The following VPS13D variants were observed in gnomAD, a reference collection of about 807,000 sequenced individuals.
VPS13D encodes the protein vacuolar protein sorting 13 homolog D, also known as intermembrane lipid transfer protein VPS13D.
A neutral mutation model predicts 461.9 loss-of-function variants in VPS13D; 187 were observed. The observed-to-expected ratio is 0.40, with a 90% CI of 0.36 to 0.46. The LOEUF is 0.46. Among genes scored for constraint, VPS13D ranks in the 20% least tolerant of loss-of-function variants. VPS13D has a pLI of 0.60. For missense variants in VPS13D, 4,711 were observed against 5,364.9 expected, an observed-to-expected ratio of 0.88 and a Z score of 3.81; for synonymous variants, 1,951 against 1,986.3, an observed-to-expected ratio of 0.98 and a Z score of 0.47.
chr1:12,328,220 C>T (rs554096027), intron 36 of VPS13D, among the ~76,000 whole-genome samples: 19 of 152,112 alleles, frequency 1.2e-4, no homozygotes, highest in Non-Finnish European at 2.4e-4. Flanking sequence ...GTTGTATTAT[C>T]TCTTGAAAAT....
At chr1:12,500,178 A>G (rs1646017378) in intron 68 of VPS13D, 1 of 984,474 alleles carries the variant, frequency 1.0e-6, no homozygotes, top group East Asian at 1.1e-4. Context: ...TAATTTTGTC[A>G]TTCTATTTAA....
chr1:12,499,424 A>G lies in VPS13D; in HGVS notation c.12794+1793A>G, dbSNP rs1028056978. 4.1e-6 allele frequency: 4 copies of G among 981,516 alleles called. No individual in the cohort carries two copies. In the African/African-American group the frequency reaches 5.3e-5, roughly 13 times the overall value. 60.8% of individuals were successfully genotyped at this position (981,516 alleles called of 1,614,324 possible). ...TGTTTTCTTTTCACTTTCCTCCCCA[A>G]CTCACCTCTATTCAAGTCGAACTAT... On this transcript the variant is annotated intron_variant, in intron 68 of 69. Coordinates refer to ENST00000620676, the MANE Select transcript of VPS13D (RefSeq NM_015378.4).
At chr1:12,350,740 C>G (rs1240442388) in intron 46 of VPS13D, among the ~76,000 whole-genome samples, 2 of 151,972 alleles carry the variant, frequency 1.3e-5, no homozygotes, top group Non-Finnish European at 2.9e-5. Context: ...AATCAGTGAA[C>G]TAGAAAATAG....
At chr1:12,433,486 C>T (rs560170826) in intron 65 of VPS13D, among the ~76,000 whole-genome samples, 1 of 152,074 alleles carries the variant, frequency 6.6e-6, no homozygotes, top group Non-Finnish European at 1.5e-5. Flanking sequence ...TTTGCTTTTT[C>T]GGAAAGTTAT....
chr1:12,473,291 C>T lies in VPS13D; in HGVS notation c.12662+12895C>T, dbSNP rs931360724. Among the ~76,000 whole-genome samples the T allele has an allele frequency of 2.0e-5, 3 of 151,978 alleles. No individual in the cohort carries two copies. The highest frequency in any genetic ancestry group is 2.9e-5 in the Non-Finnish European group (2 of 67,988). On this transcript the variant is annotated intron_variant, in intron 67 of 69. Coordinates refer to ENST00000620676, the MANE Select transcript of VPS13D (RefSeq NM_015378.4). The surrounding 1 kb of genome is among the most constrained non-coding windows in gnomAD (Gnocchi z 4.2). ...AAAAGATGTGGAAAGGACGTAAAAT[C>T]ACAGGTTCTTCCCCAGTTCTGAAAA... is the stretch of plus-strand genomic sequence containing the variant.
intron 67 of VPS13D, among the ~76,000 whole-genome samples, chr1:12,466,918 C>G (rs1002898878): frequency 1.9e-4 from 29 of 152,354 alleles, no homozygotes; most frequent in African/African-American, 6.7e-4. Flanking sequence ...AAACATGGCA[C>G]AGTAGATATA....
chr1:12,322,889 C>CTT (rs1286104928), intron 34 of VPS13D, 143 bp downstream of exon 34: 5 of 707,598 alleles, frequency 7.1e-6, no homozygotes, highest in African/African-American at 1.8e-5. Context: ...AAGTATGACT[C>CTT]TCTCATTTTT....
chr1:12,333,009 G>A (rs1379344974), intron 37 of VPS13D, among the ~76,000 whole-genome samples: 1 of 152,086 alleles, frequency 6.6e-6, no homozygotes, highest in African/African-American at 2.4e-5. Context: ...CCATCGTGGG[G>A]GTACATATAT....
chr1:12,339,782 C>T (rs980884233), intron 40 of VPS13D, among the ~76,000 whole-genome samples: 5 of 152,182 alleles, frequency 3.3e-5, no homozygotes, highest in African/African-American at 1.2e-4. Context: ...CTCATCAATG[C>T]AAGAAGCTTG....
chr1:12,385,649 A>G lies in VPS13D; in HGVS notation c.11484+276A>G, dbSNP rs889556955. 2.6e-5 allele frequency among the ~76,000 whole-genome samples: 4 copies of G among 152,198 alleles called. No homozygotes were observed. In the South Asian group the frequency reaches 6.2e-4, roughly 24 times the overall value. On this transcript the variant is annotated intron_variant, in intron 59 of 69. Transcript: ENST00000620676. ...ATTTCAGTAAGATTTAAGACAAACA[A>G]TTTTTTGTTTTTTGCTTCAGCCATC...
At chr1:12,485,947 G>A (rs1645791764) in intron 67 of VPS13D, among the ~76,000 whole-genome samples, 1 of 152,294 alleles carries the variant, frequency 6.6e-6, no homozygotes, top group South Asian at 2.1e-4. Context: ...CTCGTGTCCT[G>A]CCTCCTTCCT....
At position 12,501,515 on chromosome 1, in the gene VPS13D, A is replaced by C. The variant is rs79898524; in HGVS notation, c.12794+3884A>C. 6.3e-3 allele frequency among the ~76,000 whole-genome samples: 963 copies of C among 152,350 alleles called. 14 individuals are homozygous for C. The highest frequency in any genetic ancestry group is 0.021 in the African/African-American group (884 of 41,574). ...TAAAAGCTAAATCAGGAGTTCTAAG[A>C]GAAGTTTTCAACTTTCCTACTGGTA... On this transcript the variant is annotated intron_variant, in intron 68 of 69. Coordinates refer to ENST00000620676, the MANE Select transcript of VPS13D (RefSeq NM_015378.4).
chr1:12,487,319 A>G (rs1465069123), intron 67 of VPS13D, among the ~76,000 whole-genome samples: 3 of 152,106 alleles, frequency 2.0e-5, no homozygotes, highest in Admixed American at 2.0e-4. Flanking sequence ...TGAAAAAGCA[A>G]ACAAATCGGG....
intron 14 of VPS13D, 60 bp from the exon 15 acceptor site, chr1:12,267,785 T>G: frequency 6.7e-7 from 1 of 1,481,818 alleles, no homozygotes; most frequent in East Asian, 2.3e-5. Flanking sequence ...GATGGGTTTG[T>G]TTAGTGAATT....
Position 12,283,020 on chromosome 1 carries a change from C to G in VPS13D, c.4918C>G (p.Gln1640Glu). 4 of 1,613,862 alleles carry G rather than the reference C, an allele frequency of 2.5e-6. No individual in the cohort carries two copies. The highest frequency in any genetic ancestry group is 2.5e-6 in the Non-Finnish European group (3 of 1,179,940). Residue 1640 changes from glutamine to glutamate, a missense_variant, in exon 21 of 70, where the codon CAA (glutamine) becomes GAA (glutamate). This residue lies in a region of VPS13D where 4,411 missense variants were observed against 4,937.8 expected (regional missense o/e 0.89). Transcript: ENST00000620676. ...AAGTGGAGATCTGACTTTGGGGGCC[C>G]AAGGTCTTGTGAGCTTAAAGTTTCA... ...QLSGDLTLGA[Q>E]GLVSLKFQDF... is the part of the protein sequence containing the mutation.
At chr1:12,326,166 C>T (rs1018859662) in intron 35 of VPS13D, among the ~76,000 whole-genome samples, 1 of 151,342 alleles carries the variant, frequency 6.6e-6, no homozygotes, top group Non-Finnish European at 1.5e-5. Flanking sequence ...ACCTAGTTCT[C>T]ATGTGTTCTT....
chr1:12,367,467 CAA>C (rs1644051917), intron 52 of VPS13D, among the ~76,000 whole-genome samples: 1 of 152,126 alleles, frequency 6.6e-6, no homozygotes, highest in Non-Finnish European at 1.5e-5. Flanking sequence ...TAATTTAAGA[CAA>C]AGTGAATATT....
chr1:12,319,443 TG>T, intron 31 of VPS13D, 53 bp from the exon 32 acceptor site: 3 of 1,607,398 alleles, frequency 1.9e-6, no homozygotes, highest in Non-Finnish European at 2.6e-6. Flanking sequence ...TGCAACAGCC[TG>T]GTGTTTTCCA....
chr1:12,492,899 A>G (rs1292283358), intron 67 of VPS13D, among the ~76,000 whole-genome samples: 2 of 152,206 alleles, frequency 1.3e-5, no homozygotes, highest in African/African-American at 2.4e-5. Flanking sequence ...AAACCCAAAG[A>G]ACATAACAAG....
Sources: gnomAD v4.1 joint callset for allele counts (sites outside exome capture counted in the v4.1 genomes callset) on GRCh38, gnomAD v4.1.1 for gene constraint, gnomAD v4.1.1 regional missense constraint, Gnocchi (gnomAD v3.1) non-coding constraint, MANE v1.5 for transcripts, NCBI Gene and HGNC (gene_info 2026-07-23, HGNC 2026-07-21) for gene names.